The following ELMO1 variants were observed in gnomAD, a reference collection of about 807,000 sequenced individuals.
ELMO1 encodes engulfment and cell motility 1, also known as engulfment and cell motility protein 1.
In ELMO1, 26 loss-of-function variants were observed where a neutral mutation model predicts 98.9. That is an observed-to-expected ratio of 0.26 (90% CI 0.19 to 0.36). ELMO1 has a LOEUF of 0.36. ELMO1 is among the 10% of genes least tolerant of loss of function. The pLI, the probability that ELMO1 is intolerant of heterozygous loss-of-function variation, is 1.00. For synonymous variants in ELMO1, 346 were observed against 346.0 expected (o/e 1.00, Z 0.00); for missense variants, 627 against 935.2 (o/e 0.67, Z 4.30).
chr7:37,437,267 T>C (rs1400899429), intron 1 of ELMO1, among the ~76,000 whole-genome samples: 2 of 152,066 alleles, frequency 1.3e-5, no homozygotes, highest in Non-Finnish European at 2.9e-5. Flanking sequence ...AGAGCTCCAA[T>C]GGAGCCATCT....
intron 16 of ELMO1, among the ~76,000 whole-genome samples, chr7:36,934,721 A>G (rs1786359986): frequency 2.6e-5 from 4 of 152,214 alleles, no homozygotes; most frequent in African/African-American, 9.7e-5. Context: ...TGTCCTTGAA[A>G]AACTCTTGGA....
At chr7:37,446,304 C>T (rs1180986274) in intron 1 of ELMO1, among the ~76,000 whole-genome samples, 1 of 152,164 alleles carries the variant, frequency 6.6e-6, no homozygotes, top group East Asian at 1.9e-4. Context: ...TCTGCTCTAA[C>T]AGGGAGAGAG....
At chr7:37,438,783 A>G (rs1465884709) in intron 1 of ELMO1, among the ~76,000 whole-genome samples, 2 of 152,208 alleles carry the variant, frequency 1.3e-5, no homozygotes, top group Non-Finnish European at 2.9e-5. Flanking sequence ...AAGGAAGATC[A>G]CTAACTTACC....
At chr7:36,933,943 G>A (rs1434440229) in intron 16 of ELMO1, among the ~76,000 whole-genome samples, 3 of 152,150 alleles carry the variant, frequency 2.0e-5, no homozygotes, top group Non-Finnish European at 2.9e-5. Context: ...CTGAGTTTCC[G>A]CTAAGCCTTT....
intron 15 of ELMO1, among the ~76,000 whole-genome samples, chr7:37,079,039 A>G (rs999604793): frequency 8.5e-5 from 13 of 152,182 alleles, no homozygotes; most frequent in Non-Finnish European, 1.5e-4. Context: ...TAAAAATACT[A>G]AAAGTGTGCA....
chr7:37,097,844 T>C (rs1290531960), intron 14 of ELMO1, among the ~76,000 whole-genome samples: 1 of 152,230 alleles, frequency 6.6e-6, no homozygotes, highest in Admixed American at 6.5e-5. Context: ...CCCCTGTTCC[T>C]ATAGCACAAC....
At chr7:37,195,625 C>G (rs1326533524) in intron 13 of ELMO1, among the ~76,000 whole-genome samples, 3 of 152,232 alleles carry the variant, frequency 2.0e-5, no homozygotes, top group Non-Finnish European at 4.4e-5. Flanking sequence ...GATGCTTTCC[C>G]AAAGTGAGGA....
chr7:36,930,301 G>A (rs1396536960), intron 16 of ELMO1, among the ~76,000 whole-genome samples: 1 of 152,194 alleles, frequency 6.6e-6, no homozygotes, highest in Non-Finnish European at 1.5e-5. Flanking sequence ...TTCAAAAGCT[G>A]TATCTTGCTT....
intron 15 of ELMO1, among the ~76,000 whole-genome samples, chr7:37,057,656 C>T (rs1381652355): frequency 1.3e-5 from 2 of 152,182 alleles, no homozygotes; most frequent in Admixed American, 6.5e-5. Context: ...AGAGGAGAAG[C>T]TAGTTTGTCC....
chr7:37,402,790 T>A (rs190028918), intron 1 of ELMO1, among the ~76,000 whole-genome samples: 1 of 152,342 alleles, frequency 6.6e-6, no homozygotes, highest in African/African-American at 2.4e-5. Context: ...CCTGCATTTT[T>A]CCACATATTA....
rs532183751 is a variant in ELMO1, at chr7:37,068,833, T to C, written c.1300+27786A>G. ...CCCACAAGCAAACATTACATAGTAA[T>C]GAGCCCGACTCCTAGGTCATGAGAT... On this transcript the variant is annotated intron_variant, in intron 15 of 21. Transcript: ENST00000310758. 9.2e-5 allele frequency among the ~76,000 whole-genome samples: 14 copies of C among 152,280 alleles called. No individual in the cohort carries two copies. In the South Asian group the frequency reaches 2.7e-3, roughly 29 times the overall value.
intron 16 of ELMO1, among the ~76,000 whole-genome samples, chr7:36,937,439 G>A (rs981971246): frequency 6.6e-6 from 1 of 152,198 alleles, no homozygotes; most frequent in Non-Finnish European, 1.5e-5. Flanking sequence ...ATTTCAGACA[G>A]AGCAAGGCCC....
chr7:36,999,095 C>T (rs1295133654), intron 16 of ELMO1, among the ~76,000 whole-genome samples: 1 of 151,920 alleles, frequency 6.6e-6, no homozygotes. Context: ...GGAGGCCATC[C>T]CCGGGGCCAC....
At chr7:37,336,982 G>A (rs943448218) in intron 2 of ELMO1, among the ~76,000 whole-genome samples, 7 of 152,106 alleles carry the variant, frequency 4.6e-5, no homozygotes, top group African/African-American at 1.7e-4. Flanking sequence ...GAACATGGCT[G>A]GGACAAAGCC....
chr7:37,168,786 G>C (rs1789933376), intron 13 of ELMO1, among the ~76,000 whole-genome samples: 1 of 152,184 alleles, frequency 6.6e-6, no homozygotes, highest in Non-Finnish European at 1.5e-5. Context: ...CAGGGTTCAG[G>C]GGTCAGGGAC....
At chr7:36,930,143 GGT>G (rs1785918625) in intron 16 of ELMO1, among the ~76,000 whole-genome samples, 1 of 152,204 alleles carries the variant, frequency 6.6e-6, no homozygotes, top group South Asian at 2.1e-4. Context: ...TGACTACCCT[GGT>G]GTACGGGTCT....
intron 1 of ELMO1, chr7:37,419,630 C>T (rs1013717212): frequency 1.3e-5 from 2 of 152,088 alleles, no homozygotes; most frequent in Non-Finnish European, 1.5e-5. Context: ...AGATGAGAGG[C>T]CTCCTGGTGC....
chr7:37,131,741 G>T (rs1383952304), intron 14 of ELMO1, among the ~76,000 whole-genome samples: 1 of 152,210 alleles, frequency 6.6e-6, no homozygotes, highest in Admixed American at 6.5e-5. Context: ...ATGTGGGACT[G>T]TATTTCTGAC....
chr7:36,907,918 C>T (rs1426088789), intron 16 of ELMO1, among the ~76,000 whole-genome samples: 1 of 152,182 alleles, frequency 6.6e-6, no homozygotes, highest in Admixed American at 6.5e-5. Context: ...TGTTGGTGGG[C>T]ACTTAGTTAA....
Sources: gnomAD v4.1 joint callset for allele counts (sites outside exome capture counted in the v4.1 genomes callset) on GRCh38, gnomAD v4.1.1 for gene constraint, MANE v1.5 for transcripts, NCBI Gene and HGNC (gene_info 2026-07-23, HGNC 2026-07-21) for gene names.